Variants in COL5A2 observed in about 807,000 individuals in gnomAD.
COL5A2 encodes the protein collagen type V alpha 2 chain.
COL5A2 carries 23 observed loss-of-function variants against 208.2 expected under a neutral mutation model. The observed-to-expected ratio is 0.11, with a 90% CI of 0.08 to 0.16. The LOEUF is 0.16. Among genes scored for constraint, COL5A2 ranks in the 10% least tolerant of loss-of-function variants. The probability of loss-of-function intolerance (pLI) is 1.00; values close to 1 mark genes in which losing one functional copy is unlikely to be tolerated. For synonymous variants in COL5A2, 625 were observed against 628.5 expected (o/e 0.99, Z 0.08); for missense variants, 1,590 against 1,956.4 (o/e 0.81, Z 3.53).
intron 19 of COL5A2, 152 bp from the exon 20 acceptor site, chr2:189,068,422 C>G: frequency 1.4e-6 from 1 of 707,626 alleles, no homozygotes; most frequent in African/African-American, 1.8e-5. Context: ...ACTTTTTTGA[C>G]TACTTCTCCT....
chr2:189,127,039 T>A (rs4417749), intron 1 of COL5A2, among the ~76,000 whole-genome samples: 117,007 of 152,018 alleles, frequency 0.77, 48,430 homozygotes, highest in South Asian at 0.91. Flanking sequence ...TCAGAGTGCT[T>A]AGGGAGTGTG....
chr2:189,214,588 T>C (rs2105871620), intron 1 of COL5A2, among the ~76,000 whole-genome samples: 1 of 152,254 alleles, frequency 6.6e-6, no homozygotes, highest in South Asian at 2.1e-4. Flanking sequence ...TTTTTTAATA[T>C]TTATTTTAAA....
chr2:189,185,409 G>C (rs960123997), intron 1 of COL5A2, among the ~76,000 whole-genome samples: 4 of 152,180 alleles, frequency 2.6e-5, no homozygotes, highest in Non-Finnish European at 4.4e-5. Flanking sequence ...ACACCAGTTA[G>C]AAGTACTCTT....
rs951771740 is a variant in COL5A2 at position 189,051,199 on chromosome 2, T to A, written c.2931+121A>T. On this transcript the variant is annotated intron_variant, in intron 42 of 53. Coordinates refer to ENST00000374866, the MANE Select transcript of COL5A2 (RefSeq NM_000393.5). ...AAAGCCTTATAGATTTAATGCACTTTAAAAATTTTAGGAATGTGCCCAGCA... is the reference window on the plus strand; with the variant it reads ...AAAGCCTTATAGATTTAATGCACTTAAAAAATTTTAGGAATGTGCCCAGCA... 1.3e-5 allele frequency: 17 copies of A among 1,271,012 alleles called. No homozygotes were observed. The African/African-American group carries it at 2.4e-4, about 18-fold the overall frequency. 78.7% of individuals were successfully genotyped at this position (1,271,012 alleles called of 1,614,324 possible).
At chr2:189,096,416 C>T (rs1455736164) in intron 6 of COL5A2, among the ~76,000 whole-genome samples, 1 of 151,542 alleles carries the variant, frequency 6.6e-6, no homozygotes, top group Non-Finnish European at 1.5e-5. Flanking sequence ...CCGAGGCGGG[C>T]GGATCACATC....
chr2:189,187,894 G>A (rs966519565), intron 1 of COL5A2, among the ~76,000 whole-genome samples: 11 of 151,812 alleles, frequency 7.2e-5, no homozygotes, highest in East Asian at 1.9e-4. Flanking sequence ...GTGTGAACCC[G>A]GGAGGCGGAG....
intron 1 of COL5A2, among the ~76,000 whole-genome samples, chr2:189,137,288 T>C (rs1396999940): frequency 6.6e-6 from 1 of 152,214 alleles, no homozygotes; most frequent in Non-Finnish European, 1.5e-5. Flanking sequence ...ACATGAGAGA[T>C]GTCTTCTGAA....
chr2:189,085,752 T>A lies in COL5A2; in HGVS notation c.711A>T (p.Gly237=), dbSNP rs1002304959. 6.2e-7 allele frequency: 1 copy of A among 1,613,300 alleles called. No individual in the cohort carries two copies. Among genetic ancestry groups the A allele is most frequent in the Non-Finnish European group, 8.5e-7 (1 of 1,179,476 alleles). The change falls in exon 10 of 54, where the codon GGA becomes GGT. Residue 237 remains glycine (G), a synonymous_variant. Coordinates refer to ENST00000374866, the MANE Select transcript of COL5A2 (RefSeq NM_000393.5). ...CAGGATCACCAGGTTCACCAGGAGG[T>A]CCTGTAGGTCCTGCACCACCCTACA... ...QGQQGGAGPT[G]PPGEPGDPGP...
intron 1 of COL5A2, among the ~76,000 whole-genome samples, chr2:189,169,275 G>A (rs1338521512): frequency 6.6e-6 from 1 of 152,172 alleles, no homozygotes; most frequent in Non-Finnish European, 1.5e-5. Flanking sequence ...CTGGGGCATG[G>A]AGTGGATCAT....
chr2:189,267,280 A>G, the COL5A2 span, among the ~76,000 whole-genome samples: 1 of 152,114 alleles, frequency 6.6e-6, no homozygotes, highest in Non-Finnish European at 1.5e-5. Flanking sequence ...TGACCAGCCT[A>G]GAAGGTATAT....
the COL5A2 span, among the ~76,000 whole-genome samples, chr2:189,398,311 T>C: frequency 6.6e-6 from 1 of 152,164 alleles, no homozygotes; most frequent in Non-Finnish European, 1.5e-5. Context: ...ATGTTTGCTA[T>C]TGCTCAAATC....
the COL5A2 span, among the ~76,000 whole-genome samples, chr2:189,295,634 G>A: frequency 6.6e-6 from 1 of 151,974 alleles, no homozygotes; most frequent in Non-Finnish European, 1.5e-5. Context: ...ATTCCCAGAG[G>A]TCCTGAAGAA....
intron 18 of COL5A2, among the ~76,000 whole-genome samples, chr2:189,070,213 G>A (rs1473922304): frequency 1.3e-5 from 2 of 152,142 alleles, no homozygotes; most frequent in African/African-American, 4.8e-5. Context: ...CTTGGTTTCT[G>A]TATTTTATCT....
At chr2:189,077,785 C>A (rs887308111) in intron 16 of COL5A2, among the ~76,000 whole-genome samples, 9 of 152,056 alleles carry the variant, frequency 5.9e-5, no homozygotes, top group Non-Finnish European at 1.3e-4. Context: ...GAGGTAATAG[C>A]AGAGACAGTG....
the COL5A2 span, among the ~76,000 whole-genome samples, chr2:189,420,105 A>G: frequency 4.4e-4 from 60 of 136,386 alleles, no homozygotes; most frequent in Non-Finnish European, 6.1e-4. Flanking sequence ...GGAAGGAAGG[A>G]AGGGAGGGAG....
chr2:189,337,875 A>G, the COL5A2 span, among the ~76,000 whole-genome samples: 1 of 152,036 alleles, frequency 6.6e-6, no homozygotes, highest in Non-Finnish European at 1.5e-5. Flanking sequence ...TATGACTCAC[A>G]GATATTCCCA....
chr2:189,098,038 C>CCCCCCG (rs1553518250), intron 5 of COL5A2, among the ~76,000 whole-genome samples: 1 of 152,032 alleles, frequency 6.6e-6, no homozygotes, highest in African/African-American at 2.4e-5. Flanking sequence ...ATGTTTTTCC[C>CCCCCCG]CCCCTGGGAA....
chr2:189,051,338 T>C lies in COL5A2; in HGVS notation c.2913A>G (p.Pro971=). The C allele has an allele frequency of 6.2e-7, 1 of 1,614,158 alleles. No individual in the cohort carries two copies. Among genetic ancestry groups the C allele is most frequent in the South Asian group, 1.1e-5 (1 of 91,084 alleles). ...PPGGPGDKGD[P]GEDGQPGPDG... ...AACTTACAGGTTGCCCATCTTCTCC[T>C]GGGTCCCCTTTGTCTCCTGGGCCAC... The change falls in exon 42 of 54, where the codon CCA becomes CCG. Residue 971 remains proline, a synonymous_variant. Transcript: ENST00000374866.
chr2:189,062,771 G>C, intron 29 of COL5A2, 94 bp downstream of exon 29: 2 of 1,432,564 alleles, frequency 1.4e-6, no homozygotes, highest in Non-Finnish European at 2.0e-6. Flanking sequence ...CACTTTCCCT[G>C]AAACTTACCC....
Sources: gnomAD v4.1 joint callset for allele counts (sites outside exome capture counted in the v4.1 genomes callset) on GRCh38, gnomAD v4.1.1 for gene constraint, MANE v1.5 for transcripts, NCBI Gene and HGNC (gene_info 2026-07-23, HGNC 2026-07-21) for gene names.